The following SAMD13 variants were observed in gnomAD, a reference collection of about 807,000 sequenced individuals.
SAMD13 encodes sterile alpha motif domain-containing protein 13.
Under a neutral mutation model 12.4 loss-of-function variants are expected in SAMD13, and 9 were observed. The ratio of observed to expected loss-of-function variants is 0.72; its 90% CI spans 0.44 to 1.26. The LOEUF (loss-of-function observed/expected upper bound fraction) is 1.26. SAMD13 is among the 50% of genes most tolerant of loss of function. The probability of loss-of-function intolerance (pLI) is 0.00; values close to 1 mark genes in which losing one functional copy is unlikely to be tolerated. For synonymous variants in SAMD13, 46 were observed against 45.4 expected (o/e 1.01, Z -0.05); for missense variants, 84 against 119.6 (o/e 0.70, Z 1.39).
At chr1:84,329,054 G>A (rs1323120522) in intron 3 of SAMD13, among the ~76,000 whole-genome samples, 5 of 152,130 alleles carry the variant, frequency 3.3e-5, no homozygotes, top group African/African-American at 1.2e-4. Context: ...CCCACAGTGA[G>A]GATATTAGGA....
chr1:84,322,580 A>G (rs911788725), intron 2 of SAMD13, among the ~76,000 whole-genome samples: 1 of 152,186 alleles, frequency 6.6e-6, no homozygotes, highest in African/African-American at 2.4e-5. Context: ...TGCTACAAAG[A>G]TGAAGATAGG....
intron 2 of SAMD13, among the ~76,000 whole-genome samples, chr1:84,320,578 A>T (rs1326270885): frequency 6.6e-6 from 1 of 152,230 alleles, no homozygotes; most frequent in African/African-American, 2.4e-5. Flanking sequence ...CAGGTTTGTC[A>T]TAGGCAAAGA....
At chr1:84,333,291 G>A (rs946603263) in intron 3 of SAMD13, among the ~76,000 whole-genome samples, 3 of 152,090 alleles carry the variant, frequency 2.0e-5, no homozygotes, top group African/African-American at 7.2e-5. Flanking sequence ...TCTGTAAATT[G>A]TTTTGGGCAG....
intron 3 of SAMD13, among the ~76,000 whole-genome samples, chr1:84,339,701 A>G (rs867564099): frequency 1.3e-5 from 2 of 152,160 alleles, no homozygotes; most frequent in Non-Finnish European, 2.9e-5. Flanking sequence ...GTGCACACAC[A>G]TCAGCTGGGG....
At chr1:84,347,793 C>T (rs138278449) in intron 3 of SAMD13, among the ~76,000 whole-genome samples, 2 of 152,320 alleles carry the variant, frequency 1.3e-5, no homozygotes, top group African/African-American at 4.8e-5. Context: ...CCTCTCCCAA[C>T]TCTCAGACAT....
At chr1:84,306,666 G>T (rs1179060821) in intron 2 of SAMD13, among the ~76,000 whole-genome samples, 2 of 42,112 alleles carry the variant, frequency 4.7e-5, no homozygotes, top group Non-Finnish European at 1.3e-4. Flanking sequence ...AAAAAAAAGA[G>T]AGAGAGAGAG....
At chr1:84,325,938 A>G (rs1679051013) in intron 3 of SAMD13, among the ~76,000 whole-genome samples, 190 bp downstream of exon 3, 2 of 152,098 alleles carry the variant, frequency 1.3e-5, no homozygotes, top group Non-Finnish European at 2.9e-5. Context: ...CAAGGGGAAA[A>G]CTCAAAGCCG....
rs567579245 is a variant in SAMD13 at position 84,326,722 on chromosome 1, T to C, written c.165+974T>C. ...GTAGGGAGAATTAAAAACTGAAAAA[T>C]GTGTCTGGCTGCTTGTTCCATATCC... On this transcript the variant is annotated intron_variant, in intron 3 of 3. Coordinates refer to ENST00000394834, the MANE Select transcript of SAMD13 (RefSeq NM_001134663.2). Among the ~76,000 whole-genome samples, 3 of 152,284 alleles carry C rather than the reference T, an allele frequency of 2.0e-5. No homozygotes were observed. The South Asian group carries it at 6.2e-4, about 32-fold the overall frequency.
At chr1:84,301,858 CA>C in intron 1 of SAMD13, 57 bp downstream of exon 1, 1 of 742,882 alleles carries the variant, frequency 1.3e-6, no homozygotes, top group African/African-American at 1.9e-5. Flanking sequence ...AATAATAAGA[CA>C]ATGTAGTGTG....
chr1:84,298,628 G>T, upstream of SAMD13: 1 of 1,262,864 alleles, frequency 7.9e-7, no homozygotes, highest in Non-Finnish European at 1.0e-6. Flanking sequence ...CTCTCTCCAG[G>T]ATGAAAGGAA....
intron 3 of SAMD13, among the ~76,000 whole-genome samples, chr1:84,339,342 T>C (rs1679371941): frequency 6.6e-6 from 1 of 152,204 alleles, no homozygotes; most frequent in Non-Finnish European, 1.5e-5. Flanking sequence ...GTCTTTGAAA[T>C]TGCTGTCCTT....
chr1:84,331,423 T>A (rs569295591), intron 3 of SAMD13, among the ~76,000 whole-genome samples: 1 of 151,546 alleles, frequency 6.6e-6, no homozygotes, highest in South Asian at 2.1e-4. Flanking sequence ...AATCTGGCTT[T>A]GAATTAGACC....
intron 3 of SAMD13, among the ~76,000 whole-genome samples, chr1:84,335,073 A>G (rs1224000291): frequency 6.6e-6 from 1 of 152,016 alleles, no homozygotes. Context: ...CCATTTAGTC[A>G]AGTGTTAAGT....
At chr1:84,336,333 G>A (rs1369387567) in intron 3 of SAMD13, among the ~76,000 whole-genome samples, 2 of 152,168 alleles carry the variant, frequency 1.3e-5, no homozygotes, top group African/African-American at 2.4e-5. Flanking sequence ...ATAAAGACAT[G>A]TAAATTGCTA....
upstream of SAMD13, chr1:84,298,686 C>T (rs895458076): frequency 1.0e-6 from 1 of 985,510 alleles, no homozygotes. Context: ...AAAAACACAT[C>T]TTGGCCGTGT....
At chr1:84,301,265 A>G (rs1678449965), upstream of SAMD13, among the ~76,000 whole-genome samples, 1 of 152,248 alleles carries the variant, frequency 6.6e-6, no homozygotes, top group Non-Finnish European at 1.5e-5. Context: ...CTATTAGGAA[A>G]AAAAGAGTAA....
intron 2 of SAMD13, among the ~76,000 whole-genome samples, chr1:84,322,839 C>T (rs1265979785): frequency 1.3e-5 from 2 of 152,134 alleles, no homozygotes; most frequent in Non-Finnish European, 1.5e-5. Flanking sequence ...CATTGCTATA[C>T]TCAAGAATAT....
At chr1:84,324,320 T>C (rs1298070297) in intron 2 of SAMD13, among the ~76,000 whole-genome samples, 2 of 152,194 alleles carry the variant, frequency 1.3e-5, no homozygotes, top group African/African-American at 4.8e-5. Flanking sequence ...AAGACCTGCA[T>C]GGCTCCCTTG....
chr1:84,337,104 T>C (rs1570256602), intron 3 of SAMD13, among the ~76,000 whole-genome samples: 1 of 152,342 alleles, frequency 6.6e-6, no homozygotes, highest in East Asian at 1.9e-4. Flanking sequence ...CCCTCCTGGC[T>C]GCTTTCATGG....
Sources: allele counts gnomAD v4.1 joint callset (sites outside exome capture counted in the v4.1 genomes callset), GRCh38; gene constraint gnomAD v4.1.1; transcripts MANE v1.5; gene names NCBI Gene and HGNC (gene_info 2026-07-23, HGNC 2026-07-21).